Variants in ARHGAP5 observed in about 807,000 individuals in gnomAD.
ARHGAP5 encodes rho GTPase-activating protein 5.
In ARHGAP5, 23 loss-of-function variants were observed where a neutral mutation model predicts 116.6. That is an observed-to-expected ratio of 0.20 (90% confidence interval 0.14 to 0.28). The LOEUF (loss-of-function observed/expected upper bound fraction) is 0.28. Ranked by LOEUF, ARHGAP5 falls within the 10% of genes least tolerant of loss-of-function variation. The pLI is 1.00. For missense variants in ARHGAP5, 1,405 were observed against 1,774.8 expected, an observed-to-expected ratio of 0.79 and a Z score of 3.74; for synonymous variants, 574 against 602.0, an observed-to-expected ratio of 0.95 and a Z score of 0.68.
In ARHGAP5 at chr14:32,095,229, C is replaced by T. The variant is rs1050568424; in HGVS notation, c.3717+843C>T. On this transcript the variant is annotated intron_variant, in intron 2 of 6. Coordinates refer to ENST00000345122, the MANE Select transcript of ARHGAP5 (RefSeq NM_001030055.2). Reference sequence around the variant, plus strand: ...TTTTCTACAGCTGACTGCTGTTTATCATACCCAATTAAAGGTGTCGATATT... The same window carrying T: ...TTTTCTACAGCTGACTGCTGTTTATTATACCCAATTAAAGGTGTCGATATT... Among the ~76,000 whole-genome samples the T allele has an allele frequency of 3.3e-5, 5 of 152,128 alleles. No individual in the cohort carries two copies. In the South Asian group the frequency reaches 1.0e-3, roughly 32 times the overall value.
intron 3 of ARHGAP5, among the ~76,000 whole-genome samples, chr14:32,133,869 A>G (rs1880641911): frequency 6.6e-6 from 1 of 152,120 alleles, no homozygotes; most frequent in Non-Finnish European, 1.5e-5. Context: ...GGTTCTGTTT[A>G]TATGTTGGAT....
chr14:32,081,498 G>A (rs924393677), intron 1 of ARHGAP5, among the ~76,000 whole-genome samples: 3 of 144,248 alleles, frequency 2.1e-5, no homozygotes, highest in Admixed American at 7.1e-5. Flanking sequence ...GCAGTGAGCC[G>A]AGATCGCGCC....
chr14:32,099,254 T>C (rs1051879267), intron 2 of ARHGAP5, among the ~76,000 whole-genome samples: 1 of 152,194 alleles, frequency 6.6e-6, no homozygotes, highest in African/African-American at 2.4e-5. Context: ...ATTATAACAA[T>C]TATAACTTTG....
chr14:32,107,013 A>C (rs1879051491), intron 2 of ARHGAP5, among the ~76,000 whole-genome samples: 10 of 152,124 alleles, frequency 6.6e-5, no homozygotes, highest in Admixed American at 6.5e-4. Context: ...TTAAGTCTTA[A>C]ATTTAGTTAT....
In ARHGAP5 at chr14:32,130,104, A is replaced by G. The variant is rs112603600; in HGVS notation, c.3865+12817A>G. 3.0e-3 allele frequency among the ~76,000 whole-genome samples: 460 copies of G among 151,640 alleles called. 1 individual carries two copies. The highest frequency in any genetic ancestry group is 9.7e-3 in the African/African-American group (401 of 41,396). On this transcript the variant is annotated intron_variant, in intron 3 of 6. Coordinates refer to ENST00000345122, the MANE Select transcript of ARHGAP5 (RefSeq NM_001030055.2). ...ATATGTAATAAAATATATATGTAAT[A>G]AAATATATATATATGACCACATATC...
At chr14:32,109,450 CAT>C (rs1879180604) in intron 2 of ARHGAP5, among the ~76,000 whole-genome samples, 1 of 152,030 alleles carries the variant, frequency 6.6e-6, no homozygotes. Flanking sequence ...TATTATCTCT[CAT>C]ATCTCATTCG....
intron 2 of ARHGAP5, among the ~76,000 whole-genome samples, chr14:32,102,825 T>C (rs1878851420): frequency 1.3e-5 from 2 of 152,224 alleles, no homozygotes; most frequent in African/African-American, 2.4e-5. Context: ...TCAGGAAAAC[T>C]CATTTTATTC....
intron 3 of ARHGAP5, among the ~76,000 whole-genome samples, chr14:32,119,970 G>C (rs565537430): frequency 3.2e-4 from 49 of 152,220 alleles, no homozygotes; most frequent in Non-Finnish European, 6.8e-4. Flanking sequence ...TGGTATCAGA[G>C]TGAAAAGCTG....
intron 6 of ARHGAP5, 46 bp from the exon 7 acceptor site, chr14:32,154,575 G>T (rs1393195247): frequency 7.2e-7 from 1 of 1,391,420 alleles, no homozygotes; most frequent in Non-Finnish European, 9.9e-7. Flanking sequence ...TTCTGTGATT[G>T]TAATGAGTTT....
chr14:32,091,244 A>G lies in ARHGAP5; in HGVS notation c.575A>G (p.Lys192Arg), dbSNP rs777739823. 6 of 1,612,294 alleles carry G rather than the reference A, an allele frequency of 3.7e-6. No homozygotes were observed. Among genetic ancestry groups the G allele is most frequent in the Non-Finnish European group, 3.4e-6 (4 of 1,179,220 alleles). The change falls in exon 2 of 7, where the codon AAA becomes AGA. Residue 192 changes from lysine to arginine, a missense_variant. Coordinates refer to ENST00000345122, the MANE Select transcript of ARHGAP5 (RefSeq NM_001030055.2). ...NLFVQLSKSKKPVIIAATKCD... is the reference protein window; with the variant it reads ...NLFVQLSKSKRPVIIAATKCD... Reference sequence around the variant, plus strand: ...TTTGTCCAGTTATCAAAATCAAAAAAACCTGTAATAATAGCAGCAACTAAA... The same window carrying G: ...TTTGTCCAGTTATCAAAATCAAAAAGACCTGTAATAATAGCAGCAACTAAA...
intron 4 of ARHGAP5, among the ~76,000 whole-genome samples, chr14:32,149,465 T>G (rs368742095): frequency 2.0e-5 from 3 of 152,250 alleles, no homozygotes; most frequent in African/African-American, 7.2e-5. Context: ...CTGTGTAGTT[T>G]GTAAGCCTGA....
At chr14:32,145,205 T>C (rs995571619) in intron 3 of ARHGAP5, among the ~76,000 whole-genome samples, 3 of 152,138 alleles carry the variant, frequency 2.0e-5, no homozygotes, top group African/African-American at 7.2e-5. Context: ...GGGCATCTCT[T>C]ACCTAGGATT....
At chr14:32,117,915 ATTG>A (rs1407680616) in intron 3 of ARHGAP5, among the ~76,000 whole-genome samples, 1 of 151,436 alleles carries the variant, frequency 6.6e-6, no homozygotes, top group Admixed American at 6.6e-5. Context: ...GGGACAGAAT[ATTG>A]TTGTTTTTGA....
At chr14:32,116,204 G>C (rs1207674160) in intron 2 of ARHGAP5, among the ~76,000 whole-genome samples, 2 of 149,990 alleles carry the variant, frequency 1.3e-5, no homozygotes, top group South Asian at 2.1e-4. Flanking sequence ...GGAGAATGAC[G>C]TGAACCTGGG....
chr14:32,120,635 G>T lies in ARHGAP5; in HGVS notation c.3865+3348G>T, dbSNP rs1282135460. Reference sequence around the variant, plus strand: ...TTTTTTTTTTTTAAATTAACTCATCGGTTATTAGATTTCTAAATATTTGGT... The same window carrying T: ...TTTTTTTTTTTTAAATTAACTCATCTGTTATTAGATTTCTAAATATTTGGT... On this transcript the variant is annotated intron_variant, in intron 3 of 6. Transcript: ENST00000345122. 3.4e-5 allele frequency among the ~76,000 whole-genome samples: 5 copies of T among 148,606 alleles called. No homozygotes were observed. The East Asian group carries it at 9.8e-4, about 29-fold the overall frequency.
chr14:32,077,443 C>G lies in ARHGAP5; in HGVS notation c.-169+8C>G. ...GGAGACCGACGTTGTTAGGTAGGAC[C>G]TTGCGGACCCCGCTCCTCCAAGCCT... On this transcript the variant is annotated splice_region_variant and intron_variant, in intron 1 of 6. Coordinates refer to ENST00000345122, the MANE Select transcript of ARHGAP5 (RefSeq NM_001030055.2). 1.4e-6 allele frequency: 1 copy of G among 701,360 alleles called. No individual in the cohort carries two copies. Among genetic ancestry groups the G allele is most frequent in the Non-Finnish European group, 2.6e-6 (1 of 384,762 alleles). 43.4% of individuals were successfully genotyped at this position (701,360 alleles called of 1,614,324 possible).
Position 32,155,019 on chromosome 14 carries a change from G to A in ARHGAP5, c.*71G>A, listed in dbSNP as rs1881831702. ...CTAGACATGCATGTTTCAGGGTTCA[G>A]TAGTATACTTCATGTTTCATACAGA... On this transcript the variant is annotated 3_prime_UTR_variant, in exon 7 of 7. Coordinates refer to ENST00000345122, the MANE Select transcript of ARHGAP5 (RefSeq NM_001030055.2). 5.4e-6 allele frequency: 7 copies of A among 1,297,170 alleles called. No individual in the cohort carries two copies. The Middle Eastern group carries it at 6.5e-4, about 120-fold the overall frequency. 80.4% of individuals were successfully genotyped at this position (1,297,170 alleles called of 1,614,324 possible). A position where few individuals can be genotyped will look rare whatever the true frequency, so the allele number is the denominator to read the frequency against.
At chr14:32,101,155 T>C (rs1209163708) in intron 2 of ARHGAP5, among the ~76,000 whole-genome samples, 3 of 152,198 alleles carry the variant, frequency 2.0e-5, no homozygotes. Flanking sequence ...TTGTATTCCT[T>C]CTAATCAGTG....
chr14:32,136,862 T>C (rs1191809877), intron 3 of ARHGAP5, among the ~76,000 whole-genome samples: 1 of 152,176 alleles, frequency 6.6e-6, no homozygotes. Flanking sequence ...CATCTTTTCA[T>C]GTGTGTCTTG....
Sources: allele counts gnomAD v4.1 joint callset (sites outside exome capture counted in the v4.1 genomes callset), GRCh38; gene constraint gnomAD v4.1.1; transcripts MANE v1.5; gene names NCBI Gene and HGNC (gene_info 2026-07-23, HGNC 2026-07-21).